TMEFF2: variants seen among roughly 807,000 people sequenced by gnomAD.
The protein encoded by TMEFF2 is transmembrane protein with EGF like and two follistatin like domains 2.
A neutral mutation model predicts 53.8 loss-of-function variants in TMEFF2; 28 were observed. The ratio of observed to expected loss-of-function variants is 0.52; its 90% confidence interval spans 0.39 to 0.71. The LOEUF is 0.71. Ranked by LOEUF, TMEFF2 falls within the 30% of genes least tolerant of loss-of-function variation. The pLI, the probability that TMEFF2 is intolerant of heterozygous loss-of-function variation, is 0.00. For synonymous variants in TMEFF2, 162 were observed against 166.3 expected (o/e 0.97, Z 0.20); for missense variants, 353 against 455.2 (o/e 0.78, Z 2.04).
At chr2:192,044,180 A>G (rs932410310) in intron 5 of TMEFF2, 2 of 152,176 alleles carry the variant, frequency 1.3e-5, no homozygotes, top group African/African-American at 4.8e-5. Flanking sequence ...CTATGTCATA[A>G]TTTAGTTTGC....
chr2:192,194,032 A>G lies in TMEFF2; in HGVS notation c.172+321T>C, dbSNP rs550480504. On this transcript the variant is annotated intron_variant, in intron 1 of 9. Transcript: ENST00000272771. This position sits in a 1 kb window ranked among gnomAD's most constrained non-coding sequence, Gnocchi z 4.2. Reference sequence around the variant, plus strand: ...AAGCTTCTGTTTCAGTGTTTCCCCTAGGATTGGTGCTCTTTCAAAACAGTG... The same window carrying G: ...AAGCTTCTGTTTCAGTGTTTCCCCTGGGATTGGTGCTCTTTCAAAACAGTG... Among the ~76,000 whole-genome samples, 2 of 152,278 alleles carry G rather than the reference A, an allele frequency of 1.3e-5. No homozygotes were observed. The highest frequency in any genetic ancestry group is 6.5e-5 in the Admixed American group (1 of 15,292).
At chr2:192,151,431 T>A (rs556388322) in intron 4 of TMEFF2, among the ~76,000 whole-genome samples, 25 of 151,842 alleles carry the variant, frequency 1.6e-4, no homozygotes, top group Non-Finnish European at 2.7e-4. Context: ...TTTAGAAAAA[T>A]CAAGAGTTGC....
At chr2:191,950,940 C>G (rs1691856148) in intron 9 of TMEFF2, among the ~76,000 whole-genome samples, 2 of 152,014 alleles carry the variant, frequency 1.3e-5, no homozygotes, top group South Asian at 2.1e-4. Context: ...TAAATTGGTA[C>G]CAGTTATTTA....
chr2:192,097,484 C>T (rs962421531), intron 4 of TMEFF2, among the ~76,000 whole-genome samples: 72 of 152,168 alleles, frequency 4.7e-4, no homozygotes, highest in Non-Finnish European at 8.8e-5. Context: ...CCAAACATTT[C>T]GAATAGATTT....
At chr2:192,159,369 G>C (rs1261344437) in intron 4 of TMEFF2, among the ~76,000 whole-genome samples, 1 of 152,134 alleles carries the variant, frequency 6.6e-6, no homozygotes, top group Non-Finnish European at 1.5e-5. Flanking sequence ...GCTGAGCATA[G>C]ATGAGCTACA....
At chr2:191,980,073 A>G (rs1014973606) in intron 7 of TMEFF2, among the ~76,000 whole-genome samples, 2 of 152,182 alleles carry the variant, frequency 1.3e-5, no homozygotes, top group African/African-American at 4.8e-5. Flanking sequence ...AGAGTCTACT[A>G]TTTGTCAGGC....
At chr2:192,137,933 A>G (rs1405841618) in intron 4 of TMEFF2, among the ~76,000 whole-genome samples, 1 of 151,726 alleles carries the variant, frequency 6.6e-6, no homozygotes, top group Non-Finnish European at 1.5e-5. Flanking sequence ...CTCCTGAGGC[A>G]CTCCTGTAAT....
chr2:192,028,051 G>T (rs1687014784), intron 5 of TMEFF2: 1 of 54,764 alleles, frequency 1.8e-5, no homozygotes, highest in Admixed American at 1.5e-4. Flanking sequence ...GGGAGTGATT[G>T]AATTATGGGG....
chr2:192,145,609 A>G (rs1264814234), intron 4 of TMEFF2, among the ~76,000 whole-genome samples: 1 of 152,026 alleles, frequency 6.6e-6, no homozygotes, highest in Non-Finnish European at 1.5e-5. Flanking sequence ...GCTCTTCTGC[A>G]TAATTGAAAA....
chr2:192,116,919 C>T (rs2105961576), intron 4 of TMEFF2, among the ~76,000 whole-genome samples: 1 of 147,932 alleles, frequency 6.8e-6, no homozygotes, highest in South Asian at 2.2e-4. Context: ...ACATCTATGG[C>T]TCAATAGTCA....
chr2:192,189,309 C>T (rs755979269), intron 2 of TMEFF2, among the ~76,000 whole-genome samples: 37 of 151,890 alleles, frequency 2.4e-4, no homozygotes, highest in East Asian at 1.4e-3. Flanking sequence ...TTTGGGAGAC[C>T]GAGGCGGGTG....
chr2:192,049,151 C>CTGTGTGTG (rs35695147), intron 5 of TMEFF2, among the ~76,000 whole-genome samples: 1,179 of 114,088 alleles, frequency 0.01, 5 homozygotes, highest in Admixed American at 0.019. Context: ...TACATTTGGT[C>CTGTGTGTG]TATGTGTGTG....
At chr2:191,952,307 T>A (rs1172005519) in intron 9 of TMEFF2, among the ~76,000 whole-genome samples, 2 of 152,226 alleles carry the variant, frequency 1.3e-5, no homozygotes, top group African/African-American at 4.8e-5. Context: ...CATAACAGAA[T>A]TGAAAACATG....
chr2:192,181,521 C>T (rs979008674), intron 3 of TMEFF2, among the ~76,000 whole-genome samples: 1 of 151,714 alleles, frequency 6.6e-6, no homozygotes, highest in Admixed American at 6.6e-5. Flanking sequence ...AAATGTTATT[C>T]AACCTTGCTA....
intron 4 of TMEFF2, among the ~76,000 whole-genome samples, chr2:192,157,445 A>G (rs919457716): frequency 1.6e-4 from 24 of 152,046 alleles, no homozygotes; most frequent in Non-Finnish European, 1.5e-5. Context: ...AAAACACATA[A>G]AAGTTAGTTT....
intron 4 of TMEFF2, among the ~76,000 whole-genome samples, chr2:192,176,225 A>G (rs1267524545): frequency 6.6e-6 from 1 of 151,362 alleles, no homozygotes; most frequent in Non-Finnish European, 1.5e-5. Context: ...TTACCTCCCT[A>G]TAGCACAATT....
At chr2:192,127,419 C>G (rs768273607) in intron 4 of TMEFF2, among the ~76,000 whole-genome samples, 2 of 152,168 alleles carry the variant, frequency 1.3e-5, no homozygotes, top group Admixed American at 6.6e-5. Context: ...AAGTGTTACC[C>G]TTCCTGCCTT....
At chr2:191,984,575 G>T (rs1685931914) in intron 7 of TMEFF2, among the ~76,000 whole-genome samples, 1 of 152,066 alleles carries the variant, frequency 6.6e-6, no homozygotes, top group Non-Finnish European at 1.5e-5. Flanking sequence ...AATTTAATGG[G>T]CATTACTATT....
intron 4 of TMEFF2, among the ~76,000 whole-genome samples, chr2:192,146,416 T>C (rs181767988): frequency 6.6e-6 from 1 of 152,090 alleles, no homozygotes; most frequent in East Asian, 1.9e-4. Context: ...CCTAAAAATA[T>C]TGTAATTAAT....
Sources: gnomAD v4.1 joint callset for allele counts (sites outside exome capture counted in the v4.1 genomes callset) on GRCh38, gnomAD v4.1.1 for gene constraint, Gnocchi (gnomAD v3.1) non-coding constraint, MANE v1.5 for transcripts, NCBI Gene and HGNC (gene_info 2026-07-23, HGNC 2026-07-21) for gene names.